The following DNAH5 variants were observed in gnomAD, a reference collection of about 807,000 sequenced individuals.
DNAH5 encodes the protein axonemal beta dynein heavy chain 5.
DNAH5 carries 372 observed loss-of-function variants against 518.2 expected under a neutral mutation model. That is an observed-to-expected ratio of 0.72 (90% CI 0.66 to 0.78). The LOEUF is 0.78. DNAH5 is among the 30% of genes least tolerant of loss of function. DNAH5 has a pLI of 0.00. For missense variants in DNAH5, 5,523 were observed against 5,687.0 expected (o/e 0.97, Z 0.93); for synonymous variants, 2,039 against 2,025.9 (o/e 1.01, Z -0.17).
chr5:13,994,701 T>C (rs1321602146), intron 1 of DNAH5, among the ~76,000 whole-genome samples: 1 of 152,184 alleles, frequency 6.6e-6, no homozygotes, highest in East Asian at 1.9e-4. Context: ...CACAAGCTGG[T>C]TGGAGATGAA....
intron 1 of DNAH5, among the ~76,000 whole-genome samples, chr5:13,950,857 A>G (rs1780334824): frequency 6.6e-6 from 1 of 151,744 alleles, no homozygotes; most frequent in South Asian, 2.1e-4. Context: ...AGAACCAAGA[A>G]AAAAAAAACT....
At chr5:13,705,529 G>A (rs144195165) in intron 76 of DNAH5, among the ~76,000 whole-genome samples, 7 of 152,016 alleles carry the variant, frequency 4.6e-5, no homozygotes, top group Non-Finnish European at 8.8e-5. Flanking sequence ...CTCTCCTCTC[G>A]TCTTCACCTT....
rs762677340 is a variant in DNAH5, at chr5:13,919,216, A to C, written c.935T>G (p.Val312Gly). 2.5e-5 allele frequency: 41 copies of C among 1,613,998 alleles called. No individual in the cohort carries two copies. The South Asian group carries it at 4.3e-4, about 17-fold the overall frequency. ...CTTGGCCGCCGCAAGCACTGCCAGC[A>C]CAGCCTTCACATCCGGGCTTTTCAA... ...EQLKSPDVKA[V>G]LAVLAAAKSK... is the part of the protein sequence containing the mutation. The change falls in exon 7 of 79, where the codon GTG becomes GGG. Residue 312 changes from valine (V) to glycine (G), a missense_variant. Coordinates refer to ENST00000265104, the MANE Select transcript of DNAH5 (RefSeq NM_001369.3).
chr5:13,904,721 G>A (rs1311721132), intron 12 of DNAH5, among the ~76,000 whole-genome samples: 1 of 151,970 alleles, frequency 6.6e-6, no homozygotes, highest in Admixed American at 6.6e-5. Context: ...AACCAGCCTG[G>A]GCAACATGGC....
At chr5:13,821,621 A>C (rs7711976) in intron 40 of DNAH5, among the ~76,000 whole-genome samples, 62,369 of 151,614 alleles carry the variant, frequency 0.41, 13,083 homozygotes, top group East Asian at 0.61. Context: ...CTATGCACTT[A>C]ATCATCATGC....
At chr5:13,737,543 T>G in intron 65 of DNAH5, 48 bp from the exon 66 acceptor site, 1 of 1,592,530 alleles carries the variant, frequency 6.3e-7, no homozygotes, top group Non-Finnish European at 8.6e-7. Flanking sequence ...ACAACTCTTG[T>G]TGAGTATTCC....
chr5:13,968,099 G>C (rs1781643685), intron 1 of DNAH5, among the ~76,000 whole-genome samples: 2 of 151,958 alleles, frequency 1.3e-5, no homozygotes, highest in African/African-American at 4.8e-5. Flanking sequence ...ATTGTAAAAG[G>C]GGTTGAGTTC....
chr5:13,757,422 T>C (rs1751153245), intron 61 of DNAH5, among the ~76,000 whole-genome samples: 1 of 152,328 alleles, frequency 6.6e-6, no homozygotes, highest in East Asian at 1.9e-4. Context: ...TGGTAACTGA[T>C]TGTGGTTTTG....
At chr5:13,892,033 C>T (rs568615362) in intron 16 of DNAH5, among the ~76,000 whole-genome samples, 49 of 152,290 alleles carry the variant, frequency 3.2e-4, no homozygotes, top group Middle Eastern at 3.4e-3. Context: ...TACATACCAA[C>T]GCTGTATCGG....
At chr5:13,941,410 CCCTAGATCCATTCACCTT>C (rs1158826871) in intron 1 of DNAH5, among the ~76,000 whole-genome samples, 1 of 152,064 alleles carries the variant, frequency 6.6e-6, no homozygotes, top group African/African-American at 2.4e-5. Context: ...CCCAGCTAAA[CCCTAGATCCATTCACCTT>C]CCAGTGCTCT....
At chr5:13,838,638 A>G (rs1279214508) in intron 35 of DNAH5, among the ~76,000 whole-genome samples, 1 of 152,170 alleles carries the variant, frequency 6.6e-6, no homozygotes, top group Non-Finnish European at 1.5e-5. Flanking sequence ...CTGATTCTAA[A>G]TTATAGTGAA....
chr5:13,870,987 G>A lies in DNAH5; in HGVS notation c.3614C>T (p.Ala1205Val), dbSNP rs755018988. The stretch of plus-strand genomic sequence containing the variant: ...CCAGGCCTTTGTCTCAGCAGTCAGG[G>A]CGAACTTCAAGTCAGCTGTAAAAAC... ...IALYTADLKF[A>V]LTAETKAWMV... The change falls in exon 24 of 79, where the codon GCC becomes GTC. Residue 1205 changes from alanine (A) to valine (V), a missense_variant. Coordinates refer to ENST00000265104, the MANE Select transcript of DNAH5 (RefSeq NM_001369.3). 1.2e-5 allele frequency: 19 copies of A among 1,613,392 alleles called. No homozygotes were observed. The highest frequency in any genetic ancestry group is 3.3e-5 in the Admixed American group (2 of 59,884).
At chr5:13,825,497 G>T (rs1049336402) in intron 38 of DNAH5, among the ~76,000 whole-genome samples, 21 of 152,092 alleles carry the variant, frequency 1.4e-4, no homozygotes, top group African/African-American at 5.1e-4. Flanking sequence ...AACAAAATGT[G>T]GTATATACAT....
At chr5:13,983,582 G>A (rs763839449) in intron 1 of DNAH5, among the ~76,000 whole-genome samples, 2 of 152,184 alleles carry the variant, frequency 1.3e-5, no homozygotes, top group Admixed American at 6.5e-5. Context: ...GGATAAGCAC[G>A]TGCATAGTTT....
At position 13,830,137 on chromosome 5, in the gene DNAH5, G is replaced by T. The variant is rs2151836527; in HGVS notation, c.6138C>A (p.Ala2046=). The change falls in exon 37 of 79, where the codon GCC becomes GCA. Residue 2046 remains alanine (A), a synonymous_variant. Transcript: ENST00000265104. The part of the protein sequence containing the change: ...RIDLPVLSVA[A]QQISIILTCK... ...ATGTCAGAATAATGGAAATTTGCTGGGCTGCAACCGAGAGAACTGGTAGAT... is the reference window on the plus strand; with the variant it reads ...ATGTCAGAATAATGGAAATTTGCTGTGCTGCAACCGAGAGAACTGGTAGAT... 6.2e-7 allele frequency: 1 copy of T among 1,613,804 alleles called. No individual in the cohort carries two copies. The highest frequency in any genetic ancestry group is 2.2e-5 in the East Asian group (1 of 44,850).
intron 22 of DNAH5, 45 bp downstream of exon 22, chr5:13,876,639 A>G (rs748183921): frequency 1.2e-6 from 2 of 1,605,902 alleles, no homozygotes; most frequent in South Asian, 1.1e-5. Context: ...ACACAAGTGC[A>G]TGTTGCAAAG....
chr5:13,742,292 T>G (rs2126647277), intron 65 of DNAH5, among the ~76,000 whole-genome samples: 1 of 152,120 alleles, frequency 6.6e-6, no homozygotes, highest in Non-Finnish European at 1.5e-5. Flanking sequence ...GCACAAAAAC[T>G]TTTACCTTTC....
At chr5:13,695,853 T>TGCACATACACACACATGCACAC (rs1210865553) in intron 78 of DNAH5, among the ~76,000 whole-genome samples, 1 of 151,858 alleles carries the variant, frequency 6.6e-6, no homozygotes, top group Non-Finnish European at 1.5e-5. Context: ...CACATGCACA[T>TGCACATACACACACATGCACAC]GCACATACAC....
intron 30 of DNAH5, among the ~76,000 whole-genome samples, chr5:13,852,402 G>T (rs1767006085): frequency 6.6e-6 from 1 of 152,102 alleles, no homozygotes; most frequent in Non-Finnish European, 1.5e-5. Flanking sequence ...CCCGACCTCA[G>T]GTAATCTGCC....
Sources: gnomAD v4.1 joint callset for allele counts (sites outside exome capture counted in the v4.1 genomes callset) on GRCh38, gnomAD v4.1.1 for gene constraint, MANE v1.5 for transcripts, NCBI Gene and HGNC (gene_info 2026-07-23, HGNC 2026-07-21) for gene names.